MAGI1: variants seen among roughly 807,000 people sequenced by gnomAD.
MAGI1 encodes the protein membrane associated guanylate kinase, WW and PDZ domain containing 1, also known as membrane-associated guanylate kinase, WW and PDZ domain-containing protein 1.
MAGI1 carries 58 observed loss-of-function variants against 139.9 expected under a neutral mutation model. That is an observed-to-expected ratio of 0.41 (90% confidence interval 0.34 to 0.52). The LOEUF (loss-of-function observed/expected upper bound fraction) is 0.52. Among genes scored for constraint, MAGI1 ranks in the 20% least tolerant of loss-of-function variants. The pLI, the probability that MAGI1 is intolerant of heterozygous loss-of-function variation, is 0.12. For missense variants in MAGI1, 1,874 were observed against 1,901.6 expected (o/e 0.99, Z 0.27); for synonymous variants, 812 against 737.9 (o/e 1.10, Z -1.63).
At chr3:65,386,189 A>G (rs1943432431) in intron 14 of MAGI1, among the ~76,000 whole-genome samples, 1 of 151,742 alleles carries the variant, frequency 6.6e-6, no homozygotes, top group Non-Finnish European at 1.5e-5. Context: ...GTGAGCTAGC[A>G]TGGTATGGGA....
intron 1 of MAGI1, among the ~76,000 whole-genome samples, chr3:65,976,781 G>A (rs2065288275): frequency 6.6e-6 from 1 of 152,128 alleles, no homozygotes; most frequent in Admixed American, 6.5e-5. Flanking sequence ...TTAGCTTAAG[G>A]CACAGGTAAA....
At chr3:65,685,757 C>G (rs1186144696) in intron 1 of MAGI1, among the ~76,000 whole-genome samples, 3 of 152,170 alleles carry the variant, frequency 2.0e-5, no homozygotes, top group African/African-American at 7.2e-5. Flanking sequence ...GTATGTTGCT[C>G]TGAATAACTG....
chr3:65,555,534 T>C (rs899360333), intron 2 of MAGI1, among the ~76,000 whole-genome samples: 17 of 152,026 alleles, frequency 1.1e-4, no homozygotes, highest in African/African-American at 4.1e-4. Flanking sequence ...AGTAGATCTT[T>C]GATAGGTGAG....
chr3:65,511,150 G>A (rs1386162980), intron 2 of MAGI1, among the ~76,000 whole-genome samples: 2 of 149,942 alleles, frequency 1.3e-5, no homozygotes, highest in Non-Finnish European at 3.0e-5. Flanking sequence ...AGCTCCTGAA[G>A]GAAGCGCTAA....
chr3:65,777,716 T>C (rs189038339), intron 1 of MAGI1, among the ~76,000 whole-genome samples: 14 of 150,906 alleles, frequency 9.3e-5, no homozygotes, highest in Admixed American at 6.6e-4. Context: ...TCCTAAAAGA[T>C]AGAAAACAAA....
chr3:65,746,939 G>A (rs2035758977), intron 1 of MAGI1, among the ~76,000 whole-genome samples: 2 of 152,192 alleles, frequency 1.3e-5, no homozygotes, highest in Admixed American at 1.3e-4. Flanking sequence ...ACAAGCACAT[G>A]TAATGGGAAG....
chr3:65,389,226 T>A (rs1471174906), intron 14 of MAGI1, among the ~76,000 whole-genome samples: 2 of 152,028 alleles, frequency 1.3e-5, no homozygotes, highest in East Asian at 3.9e-4. Flanking sequence ...TTTTCCTAAT[T>A]TTTTTTTCCT....
chr3:65,916,413 G>C (rs1343591952), intron 1 of MAGI1, among the ~76,000 whole-genome samples: 1 of 152,156 alleles, frequency 6.6e-6, no homozygotes, highest in Non-Finnish European at 1.5e-5. Flanking sequence ...TGGACTCACA[G>C]TTCCATGTGG....
chr3:65,846,983 A>AAAAAAAAAAAAAAAAAAC (rs2059025306), intron 1 of MAGI1, among the ~76,000 whole-genome samples: 1 of 147,380 alleles, frequency 6.8e-6, no homozygotes, highest in African/African-American at 2.5e-5. Flanking sequence ...TTACAAAAAA[A>AAAAAAAAAAAAAAAAAAC]AAAAAAAAAA....
At chr3:65,590,100 T>G (rs1175356641) in intron 2 of MAGI1, among the ~76,000 whole-genome samples, 1 of 152,150 alleles carries the variant, frequency 6.6e-6, no homozygotes, top group Non-Finnish European at 1.5e-5. Context: ...ATCCAGCCTT[T>G]AAAACGCATC....
intron 1 of MAGI1, among the ~76,000 whole-genome samples, chr3:65,714,523 C>T (rs2031956033): frequency 6.6e-6 from 1 of 152,112 alleles, no homozygotes; most frequent in South Asian, 2.1e-4. Flanking sequence ...ACATGATGCT[C>T]ATGCCACTTG....
At chr3:65,431,970 G>A (rs796909181) in intron 10 of MAGI1, among the ~76,000 whole-genome samples, 22 of 152,186 alleles carry the variant, frequency 1.4e-4, no homozygotes, top group African/African-American at 5.1e-4. Context: ...TCCAGCCTGG[G>A]CAACAAGAGC....
chr3:65,387,976 G>C (rs576293274), intron 14 of MAGI1, among the ~76,000 whole-genome samples: 2 of 152,172 alleles, frequency 1.3e-5, no homozygotes, highest in Non-Finnish European at 2.9e-5. Flanking sequence ...TTCTTTTGTA[G>C]TAAATGCTAC....
intron 1 of MAGI1, among the ~76,000 whole-genome samples, chr3:65,998,106 A>G (rs748643641): frequency 0.02 from 2,339 of 118,818 alleles, 25 homozygotes; most frequent in African/African-American, 0.038. Context: ...CTGTCTCGGG[A>G]AAAAAAAAAA....
intron 5 of MAGI1, among the ~76,000 whole-genome samples, chr3:65,462,806 C>T (rs9968239): frequency 0.56 from 84,958 of 151,900 alleles, 24,721 homozygotes; most frequent in East Asian, 0.94. Flanking sequence ...AGCAGTGGTG[C>T]GTAGTTCTCC....
chr3:65,524,783 C>T (rs112661926), intron 2 of MAGI1, among the ~76,000 whole-genome samples: 2 of 152,116 alleles, frequency 1.3e-5, no homozygotes, highest in Non-Finnish European at 1.5e-5. Context: ...AGTGGTCACT[C>T]GCATTCTAAC....
intron 1 of MAGI1, among the ~76,000 whole-genome samples, chr3:65,720,490 G>A (rs1289839480): frequency 6.6e-6 from 1 of 152,004 alleles, no homozygotes; most frequent in Non-Finnish European, 1.5e-5. Flanking sequence ...GAACCTCTGG[G>A]CCTCAGTCCC....
In MAGI1 at chr3:65,413,852, AT is replaced by A. The variant is rs1945985585; in HGVS notation, c.2168-12383del. Among the ~76,000 whole-genome samples the A allele has an allele frequency of 2.0e-5, 3 of 152,300 alleles. 1 individual carries two copies. In the South Asian group the frequency reaches 6.2e-4, roughly 32 times the overall value. ...CTTTTATAGGTCCAGTACATTGGAG[AT>A]GCAGGAAAATGCAAGAACTGTGAGG... On this transcript the variant is annotated intron_variant, in intron 12 of 22. Coordinates refer to ENST00000402939, the MANE Select transcript of MAGI1 (RefSeq NM_001033057.2).
In MAGI1 at chr3:65,451,381, T is replaced by G. The variant is rs531104645; in HGVS notation, c.1042+1877A>C. Among the ~76,000 whole-genome samples the G allele has an allele frequency of 2.6e-5, 4 of 152,290 alleles. No homozygotes were observed. In the East Asian group the frequency reaches 7.7e-4, roughly 29 times the overall value. ...GCATCAAATAATGATTATTGTTCCA[T>G]GAAATTTTAGGGTTGAATGTGTTTT... On this transcript the variant is annotated intron_variant, in intron 6 of 22. Transcript: ENST00000402939.
Sources: gnomAD v4.1 joint callset for allele counts (sites outside exome capture counted in the v4.1 genomes callset) on GRCh38, gnomAD v4.1.1 for gene constraint, MANE v1.5 for transcripts, NCBI Gene and HGNC (gene_info 2026-07-23, HGNC 2026-07-21) for gene names.